LRFN2: variants seen among roughly 807,000 people sequenced by gnomAD.
LRFN2 encodes leucine-rich repeat and fibronectin type-III domain-containing protein 2.
LRFN2 carries 18 observed loss-of-function variants against 37.3 expected under a neutral mutation model. The ratio of observed to expected loss-of-function variants is 0.48; its 90% confidence interval spans 0.33 to 0.72. The LOEUF is 0.72. Ranked by LOEUF, LRFN2 falls within the 30% of genes least tolerant of loss-of-function variation. The probability of loss-of-function intolerance (pLI) is 0.02; values close to 1 mark genes in which losing one functional copy is unlikely to be tolerated. For synonymous variants in LRFN2, 556 were observed against 466.6 expected, an observed-to-expected ratio of 1.19 and a Z score of -2.47; for missense variants, 1,006 against 1,060.7, an observed-to-expected ratio of 0.95 and a Z score of 0.72.
At chr6:40,550,618 A>C (rs976576461) in intron 1 of LRFN2, among the ~76,000 whole-genome samples, 2 of 151,824 alleles carry the variant, frequency 1.3e-5, no homozygotes, top group African/African-American at 2.4e-5. Flanking sequence ...ACCACAGACC[A>C]GTGGCCACAA....
chr6:40,545,337 G>A (rs981106927), intron 1 of LRFN2, among the ~76,000 whole-genome samples: 9 of 152,186 alleles, frequency 5.9e-5, no homozygotes, highest in Non-Finnish European at 1.3e-4. Context: ...TGGTTGGGCT[G>A]GGCAGGGCAA....
chr6:40,489,886 G>A (rs140176676), intron 1 of LRFN2, among the ~76,000 whole-genome samples: 45 of 152,216 alleles, frequency 3.0e-4, no homozygotes, highest in African/African-American at 1.0e-3. Flanking sequence ...AGGCATGCCC[G>A]GGTGCCCCCA....
chr6:40,485,968 C>A (rs377459111), intron 1 of LRFN2, among the ~76,000 whole-genome samples: 1 of 152,330 alleles, frequency 6.6e-6, no homozygotes, highest in East Asian at 1.9e-4. Context: ...TGGAGCTCAG[C>A]CCCCCTGGGG....
rs141321529 is a variant in LRFN2 at position 40,535,379 on chromosome 6, G to C, written c.-19+51562C>G. On this transcript the variant is annotated intron_variant, in intron 1 of 2. Coordinates refer to ENST00000338305, the MANE Select transcript of LRFN2 (RefSeq NM_020737.3). ...GTCCTGAATGCCTGGGGAGAGCTTA[G>C]AGCAGCCTGGAACCTAGGCTGTGAC... Among the ~76,000 whole-genome samples, 827 of 152,288 alleles carry C rather than the reference G, an allele frequency of 5.4e-3. 9 individuals are homozygous for C. Among genetic ancestry groups the C allele is most frequent in the African/African-American group, 0.019 (784 of 41,550 alleles).
intron 1 of LRFN2, among the ~76,000 whole-genome samples, chr6:40,528,551 C>T (rs963799127): frequency 1.3e-5 from 2 of 152,180 alleles, no homozygotes; most frequent in East Asian, 1.9e-4. Flanking sequence ...GCCAGTGACT[C>T]GGCTCCTTCC....
At position 40,587,033 on chromosome 6, in the gene LRFN2, C is replaced by T. The variant is rs1767516712; in HGVS notation, c.-111G>A. On this transcript the variant is annotated 5_prime_UTR_variant, in exon 1 of 3. Transcript: ENST00000338305. This position sits in a 1 kb window ranked among gnomAD's most constrained non-coding sequence, Gnocchi z 4.2. The stretch of plus-strand genomic sequence containing the variant: ...CCCGGCTCGGCCACGCATCCTTCCC[C>T]GCCCGAGACAGACTCGAGCTAAACC... 6.6e-6 allele frequency: 1 copy of T among 152,214 alleles called. No homozygotes were observed. The highest frequency in any genetic ancestry group is 2.4e-5 in the African/African-American group (1 of 41,430). The allele number at this position is 152,214 out of a possible 1,614,324, so 9.4% of individuals were successfully genotyped here. A position where few individuals can be genotyped will look rare whatever the true frequency, so the allele number is the denominator to read the frequency against.
chr6:40,561,249 G>C (rs1766988482), intron 1 of LRFN2, among the ~76,000 whole-genome samples: 1 of 152,238 alleles, frequency 6.6e-6, no homozygotes, highest in South Asian at 2.1e-4. Flanking sequence ...GAAAAGAAAA[G>C]ACAGAGCTGT....
intron 1 of LRFN2, among the ~76,000 whole-genome samples, chr6:40,481,362 G>A (rs1043432466): frequency 1.3e-5 from 2 of 149,028 alleles, no homozygotes; most frequent in Non-Finnish European, 3.0e-5. Flanking sequence ...TTGAACCCAG[G>A]AGGCAGAAGT....
rs550801594 is a variant in LRFN2, at chr6:40,486,718, G to A, written c.-18-53587C>T. ...TGCAAATGGCACTAAGTTTTTTGAG[G>A]GAATGAAATGTCAAGCCAATGGGGA... On this transcript the variant is annotated intron_variant, in intron 1 of 2. Coordinates refer to ENST00000338305, the MANE Select transcript of LRFN2 (RefSeq NM_020737.3). Among the ~76,000 whole-genome samples the A allele has an allele frequency of 1.2e-4, 18 of 152,288 alleles. No individual in the cohort carries two copies. The South Asian group carries it at 3.7e-3, about 32-fold the overall frequency.
intron 1 of LRFN2, among the ~76,000 whole-genome samples, chr6:40,480,049 G>A (rs1410522155): frequency 6.6e-6 from 1 of 152,164 alleles, no homozygotes; most frequent in South Asian, 2.1e-4. Flanking sequence ...CTAGTAGGAA[G>A]GATAAAAGTG....
chr6:40,433,379 T>C (rs1181115014), intron 1 of LRFN2, among the ~76,000 whole-genome samples: 1 of 152,222 alleles, frequency 6.6e-6, no homozygotes, highest in Non-Finnish European at 1.5e-5. Flanking sequence ...TTGTTTCCTG[T>C]TTCAGTCCTC....
intron 1 of LRFN2, among the ~76,000 whole-genome samples, chr6:40,556,295 C>T (rs1766876325): frequency 6.6e-6 from 1 of 152,238 alleles, no homozygotes. Context: ...CGACTGAACA[C>T]AGGCCCTTTT....
Position 40,428,555 on chromosome 6 carries a change from T to C in LRFN2, c.1400+3159A>G, listed in dbSNP as rs576901072. Among the ~76,000 whole-genome samples, 7 of 152,312 alleles carry C rather than the reference T, an allele frequency of 4.6e-5. No individual in the cohort carries two copies. In the East Asian group the frequency reaches 1.4e-3, roughly 29 times the overall value. On this transcript the variant is annotated intron_variant, in intron 2 of 2. Transcript: ENST00000338305. ...CTATTTCTCTCAAGCCATAACCCCT[T>C]TTAGGACAGTGGGCAGCATGACCAC...
At chr6:40,569,519 C>T (rs1767149765) in intron 1 of LRFN2, among the ~76,000 whole-genome samples, 2 of 152,108 alleles carry the variant, frequency 1.3e-5, no homozygotes, top group East Asian at 3.9e-4. Context: ...TTATATCAGC[C>T]CAGAGTGACA....
intron 1 of LRFN2, among the ~76,000 whole-genome samples, chr6:40,487,832 T>G (rs1428036124): frequency 6.6e-6 from 1 of 152,204 alleles, no homozygotes; most frequent in Non-Finnish European, 1.5e-5. Flanking sequence ...ATCCTGTGCC[T>G]TTCATCCAAA....
intron 1 of LRFN2, among the ~76,000 whole-genome samples, chr6:40,508,632 C>G (rs547750627): frequency 6.6e-6 from 1 of 152,148 alleles, no homozygotes; most frequent in Non-Finnish European, 1.5e-5. Context: ...ATTTCCTTTC[C>G]GGAAAATGCA....
intron 1 of LRFN2, among the ~76,000 whole-genome samples, chr6:40,558,561 C>A (rs1162759572): frequency 8.8e-5 from 10 of 113,918 alleles, no homozygotes; most frequent in African/African-American, 4.3e-4. Context: ...AGAGAGAAGG[C>A]TGGAGGAGAT....
intron 1 of LRFN2, among the ~76,000 whole-genome samples, chr6:40,498,922 A>C (rs949939943): frequency 3.9e-5 from 6 of 152,238 alleles, no homozygotes; most frequent in African/African-American, 1.2e-4. Context: ...GGGACTAGAG[A>C]TATATCAGCA....
intron 1 of LRFN2, among the ~76,000 whole-genome samples, chr6:40,484,909 G>A (rs977069733): frequency 2.6e-5 from 4 of 152,304 alleles, no homozygotes; most frequent in South Asian, 2.1e-4. Flanking sequence ...GGCTGATGGG[G>A]TTCAAGAGAG....
Sources: gnomAD v4.1 joint callset for allele counts (sites outside exome capture counted in the v4.1 genomes callset) on GRCh38, gnomAD v4.1.1 for gene constraint, Gnocchi (gnomAD v3.1) non-coding constraint, MANE v1.5 for transcripts, NCBI Gene and HGNC (gene_info 2026-07-23, HGNC 2026-07-21) for gene names.